Variants in GNAQ observed in about 807,000 individuals in gnomAD.
GNAQ encodes the protein G protein subunit alpha q, also known as guanine nucleotide-binding protein G(q) subunit alpha.
GNAQ carries 8 observed loss-of-function variants against 43.9 expected under a neutral mutation model. That is an observed-to-expected ratio of 0.18 (90% CI 0.11 to 0.33). The LOEUF (loss-of-function observed/expected upper bound fraction) is 0.33. GNAQ is among the 10% of genes least tolerant of loss of function. The probability of loss-of-function intolerance (pLI) is 1.00; values close to 1 mark genes in which losing one functional copy is unlikely to be tolerated. For synonymous variants in GNAQ, 155 were observed against 170.7 expected (o/e 0.91, Z 0.71); for missense variants, 158 against 450.8 (o/e 0.35, Z 5.88).
intron 1 of GNAQ, among the ~76,000 whole-genome samples, chr9:77,964,668 A>T (rs929524666): frequency 7.3e-6 from 1 of 136,618 alleles, no homozygotes; most frequent in Admixed American, 7.1e-5. Flanking sequence ...TAAAAATAAA[A>T]CAAAAACAAC....
intron 1 of GNAQ, among the ~76,000 whole-genome samples, chr9:77,940,351 C>T (rs779729337): frequency 1.1e-4 from 16 of 152,078 alleles, no homozygotes; most frequent in Non-Finnish European, 1.2e-4. Context: ...GAGGCCAAAG[C>T]GAGTGGACTG....
intron 2 of GNAQ, among the ~76,000 whole-genome samples, chr9:77,873,509 C>T (rs1828076057): frequency 6.6e-6 from 1 of 152,098 alleles, no homozygotes; most frequent in Non-Finnish European, 1.5e-5. Context: ...TGTATTTAGG[C>T]ATTTGTGGCA....
chr9:77,797,490 G>C (rs1826676778), intron 4 of GNAQ, 30 bp downstream of exon 4: 7 of 1,583,358 alleles, frequency 4.4e-6, no homozygotes, highest in Non-Finnish European at 6.1e-6. Flanking sequence ...ATAAAAGCTG[G>C]GAAATAGGTT....
chr9:77,920,137 C>CA lies in GNAQ; in HGVS notation c.321+2023dup, dbSNP rs879842743. ...CTGATGACAGAGCAAGACTCTGTCT[C>CA]AAAAAAAAAAAAGAATTGACATGAA... On this transcript the variant is annotated intron_variant, in intron 2 of 6. Transcript: ENST00000286548. Among the ~76,000 whole-genome samples, 1,135 of 128,810 alleles carry CA rather than the reference C, an allele frequency of 8.8e-3. 9 individuals are homozygous for CA. Among genetic ancestry groups the CA allele is most frequent in the East Asian group, 0.042 (193 of 4,554 alleles). 84.5% of individuals were successfully genotyped at this position (128,810 alleles called of 152,430 possible).
At chr9:78,023,191 T>C (rs558418244) in intron 1 of GNAQ, among the ~76,000 whole-genome samples, 1 of 152,362 alleles carries the variant, frequency 6.6e-6, no homozygotes, top group South Asian at 2.1e-4. Flanking sequence ...TTGTGTTCAG[T>C]AACAATTTAT....
At chr9:77,863,216 A>AAGGAAGGAAGGAAGGGAGGG (rs1281288103) in intron 2 of GNAQ, among the ~76,000 whole-genome samples, 84 of 149,042 alleles carry the variant, frequency 5.6e-4, no homozygotes, top group African/African-American at 2.0e-3. Context: ...GGAAGGAAGG[A>AAGGAAGGAAGGAAGGGAGGG]AGGGAGGAAG....
chr9:77,827,383 T>TAA (rs5898562), intron 2 of GNAQ, among the ~76,000 whole-genome samples: 11 of 129,186 alleles, frequency 8.5e-5, no homozygotes, highest in Non-Finnish European at 1.4e-4. Flanking sequence ...TTTAAATAAC[T>TAA]AAAAAAAAAA....
intron 2 of GNAQ, among the ~76,000 whole-genome samples, chr9:77,877,628 C>G (rs1828145123): frequency 6.6e-6 from 1 of 152,120 alleles, no homozygotes; most frequent in South Asian, 2.1e-4. Flanking sequence ...ACTTTAATTA[C>G]TGACTTTCAC....
chr9:77,914,257 C>T (rs1828858771), intron 2 of GNAQ, among the ~76,000 whole-genome samples: 2 of 152,146 alleles, frequency 1.3e-5, no homozygotes, highest in South Asian at 4.1e-4. Flanking sequence ...CATGGTGATT[C>T]AACTCCCAAG....
At chr9:77,892,232 T>C (rs1564142996) in intron 2 of GNAQ, among the ~76,000 whole-genome samples, 1 of 152,188 alleles carries the variant, frequency 6.6e-6, no homozygotes, top group Non-Finnish European at 1.5e-5. Flanking sequence ...CCCTGCTTTG[T>C]CTTCATGGGG....
intron 3 of GNAQ, among the ~76,000 whole-genome samples, chr9:77,804,494 G>A (rs1826793936): frequency 6.6e-6 from 1 of 152,128 alleles, no homozygotes; most frequent in South Asian, 2.1e-4. Context: ...TCCAGCTTGG[G>A]CAACACAGTA....
chr9:77,869,337 C>T (rs181288618), intron 2 of GNAQ, among the ~76,000 whole-genome samples: 9 of 152,238 alleles, frequency 5.9e-5, no homozygotes, highest in Non-Finnish European at 4.4e-5. Context: ...CTAGCCCCAA[C>T]CTCAGTGCAT....
At chr9:77,993,701 CAG>C (rs1400779814) in intron 1 of GNAQ, among the ~76,000 whole-genome samples, 1 of 150,352 alleles carries the variant, frequency 6.7e-6, no homozygotes, top group Non-Finnish European at 1.5e-5. Context: ...GACTCCATCT[CAG>C]GGGAAGAAAA....
At chr9:77,908,388 T>C (rs953481974) in intron 2 of GNAQ, among the ~76,000 whole-genome samples, 2 of 152,192 alleles carry the variant, frequency 1.3e-5, no homozygotes, top group Non-Finnish European at 2.9e-5. Flanking sequence ...AACCCAAGTC[T>C]CATTCTTGGA....
intron 1 of GNAQ, among the ~76,000 whole-genome samples, chr9:78,019,168 C>A (rs1435288287): frequency 6.6e-6 from 1 of 152,186 alleles, no homozygotes; most frequent in South Asian, 2.1e-4. Flanking sequence ...TAAGGAAACA[C>A]AAACTGTTTC....
chr9:77,862,187 G>A (rs1827865864), intron 2 of GNAQ, among the ~76,000 whole-genome samples: 1 of 151,788 alleles, frequency 6.6e-6, no homozygotes, highest in African/African-American at 2.4e-5. Flanking sequence ...ACCACTCTGG[G>A]ATCTGGAGGA....
At chr9:77,841,381 G>GA in intron 2 of GNAQ, among the ~76,000 whole-genome samples, 1 of 152,026 alleles carries the variant, frequency 6.6e-6, no homozygotes, top group East Asian at 1.9e-4. Context: ...CAAATGGGAG[G>GA]AAAAAAGCCC....
At chr9:77,726,978 T>C (rs999937757) in intron 6 of GNAQ, among the ~76,000 whole-genome samples, 3 of 152,192 alleles carry the variant, frequency 2.0e-5, no homozygotes, top group African/African-American at 7.2e-5. Context: ...AAAGCAGCCA[T>C]AGACAGTGTA....
At chr9:77,864,546 C>T (rs1017534741) in intron 2 of GNAQ, among the ~76,000 whole-genome samples, 3 of 152,070 alleles carry the variant, frequency 2.0e-5, no homozygotes, top group African/African-American at 7.2e-5. Flanking sequence ...GTGAGATGGA[C>T]CTGATCCCTG....
Sources: allele counts gnomAD v4.1 joint callset (sites outside exome capture counted in the v4.1 genomes callset), GRCh38; gene constraint gnomAD v4.1.1; transcripts MANE v1.5; gene names NCBI Gene and HGNC (gene_info 2026-07-23, HGNC 2026-07-21).